SHLD2: variants seen among roughly 807,000 people sequenced by gnomAD.
SHLD2 encodes shieldin complex subunit 2.
A neutral mutation model predicts 73.2 loss-of-function variants in SHLD2; 30 were observed. The observed-to-expected ratio is 0.41, with a 90% CI of 0.31 to 0.56. The LOEUF is 0.56. Among genes scored for constraint, SHLD2 ranks in the 20% least tolerant of loss-of-function variants. The pLI, the probability that SHLD2 is intolerant of heterozygous loss-of-function variation, is 0.28. For missense variants in SHLD2, 745 were observed against 1,055.9 expected (o/e 0.71, Z 4.08); for synonymous variants, 285 against 370.1 (o/e 0.77, Z 2.64).
At chr10:87,187,342 T>C (rs1354428177) in intron 9 of SHLD2, 142 bp downstream of exon 9, 1 of 627,930 alleles carries the variant, frequency 1.6e-6, no homozygotes, top group African/African-American at 1.8e-5. Context: ...AAGTGAAATA[T>C]AAGCCTATGT....
chr10:87,173,335 A>G (rs1847735579), intron 6 of SHLD2, among the ~76,000 whole-genome samples: 1 of 152,178 alleles, frequency 6.6e-6, no homozygotes, highest in African/African-American at 2.4e-5. Context: ...CCCGGCCAGC[A>G]TAATGAACTT....
At chr10:87,107,427 AG>A (rs1315287281) in intron 2 of SHLD2, among the ~76,000 whole-genome samples, 2 of 152,290 alleles carry the variant, frequency 1.3e-5, no homozygotes, top group African/African-American at 4.8e-5. Context: ...AAAAAAGAAA[AG>A]AAAAAAGAAA....
At chr10:87,110,380 C>CG (rs1842844474) in intron 2 of SHLD2, among the ~76,000 whole-genome samples, 1 of 152,022 alleles carries the variant, frequency 6.6e-6, no homozygotes, top group Non-Finnish European at 1.5e-5. Context: ...GAGGCCGAGG[C>CG]GGGCGGATCA....
At chr10:87,158,628 T>C (rs1454911964) in intron 4 of SHLD2, among the ~76,000 whole-genome samples, 2 of 152,148 alleles carry the variant, frequency 1.3e-5, no homozygotes, top group African/African-American at 2.4e-5. Flanking sequence ...ATCCTTATTC[T>C]CCTGTCTACC....
intron 2 of SHLD2, among the ~76,000 whole-genome samples, chr10:87,124,149 A>T (rs922779753): frequency 2.6e-5 from 4 of 152,172 alleles, no homozygotes; most frequent in Non-Finnish European, 5.9e-5. Context: ...AAGTGACAGG[A>T]GTAGATATAA....
In SHLD2 at chr10:87,191,060, C is replaced by T. The variant is rs1200118372; in HGVS notation, c.*377C>T. 3 of 236,006 alleles carry T rather than the reference C, an allele frequency of 1.3e-5. No individual in the cohort carries two copies. Among genetic ancestry groups the T allele is most frequent in the Non-Finnish European group, 2.5e-5 (3 of 121,208 alleles). 14.6% of individuals were successfully genotyped at this position (236,006 alleles called of 1,614,324 possible). A position where few individuals can be genotyped will look rare whatever the true frequency, so the allele number is the denominator to read the frequency against. On this transcript the variant is annotated 3_prime_UTR_variant, in exon 10 of 10. Coordinates refer to ENST00000298786, the MANE Select transcript of SHLD2 (RefSeq NM_001330112.2). Reference sequence around the variant, plus strand: ...CCCTCAGAAACTGCTGCAGTGCTTTCGCTTATCCCTACCTAAAAAACCGTC... The same window carrying T: ...CCCTCAGAAACTGCTGCAGTGCTTTTGCTTATCCCTACCTAAAAAACCGTC...
At chr10:87,174,848 G>A (rs191147631) in intron 6 of SHLD2, among the ~76,000 whole-genome samples, 7 of 152,302 alleles carry the variant, frequency 4.6e-5, no homozygotes, top group Admixed American at 3.3e-4. Flanking sequence ...CGGCGTGGTG[G>A]CTCCCGCCTG....
At chr10:87,120,254 A>ATT (rs764204596) in intron 2 of SHLD2, among the ~76,000 whole-genome samples, 1 of 149,510 alleles carries the variant, frequency 6.7e-6, no homozygotes, top group African/African-American at 2.5e-5. Context: ...TTATTTATTT[A>ATT]TTTATTTTTT....
rs1197444445 is a variant in SHLD2, at chr10:87,138,878, A to C, written c.-5-12472A>C. Among the ~76,000 whole-genome samples, 3 of 152,184 alleles carry C rather than the reference A, an allele frequency of 2.0e-5. No homozygotes were observed. The East Asian group carries it at 5.8e-4, about 29-fold the overall frequency. On this transcript the variant is annotated intron_variant, in intron 2 of 9. Coordinates refer to ENST00000298786, the MANE Select transcript of SHLD2 (RefSeq NM_001330112.2). ...GGGAAATAACTGATATGAACCCTAC[A>C]GGGGTTCCTATAGGCAGTTTCCAGA... is the stretch of plus-strand genomic sequence containing the variant.
chr10:87,167,556 G>A (rs1227805815), intron 4 of SHLD2, among the ~76,000 whole-genome samples: 1 of 151,972 alleles, frequency 6.6e-6, no homozygotes, highest in Non-Finnish European at 1.5e-5. Context: ...TTGTGTTTTT[G>A]GAAAGGACTT....
In SHLD2 at chr10:87,190,944, G is replaced by A. The variant is rs1000786011; in HGVS notation, c.*261G>A. On this transcript the variant is annotated 3_prime_UTR_variant, in exon 10 of 10. Coordinates refer to ENST00000298786, the MANE Select transcript of SHLD2 (RefSeq NM_001330112.2). ...AAGGCAATATGTAGCAGATCCCTGGGAATTAAAGGTTTGCCCATTTGTTCA... is the reference window on the plus strand; with the variant it reads ...AAGGCAATATGTAGCAGATCCCTGGAAATTAAAGGTTTGCCCATTTGTTCA... 20 of 491,652 alleles carry A rather than the reference G, an allele frequency of 4.1e-5. No homozygotes were observed. Among genetic ancestry groups the A allele is most frequent in the African/African-American group, 3.7e-4 (19 of 51,424 alleles). 30.5% of individuals were successfully genotyped at this position (491,652 alleles called of 1,614,324 possible).
intron 4 of SHLD2, among the ~76,000 whole-genome samples, chr10:87,159,788 G>C (rs1846678700): frequency 6.6e-6 from 1 of 152,156 alleles, no homozygotes; most frequent in Non-Finnish European, 1.5e-5. Flanking sequence ...AGCCTTTATT[G>C]GGAAAGACTG....
At chr10:87,168,436 A>G (rs527630634) in intron 4 of SHLD2, among the ~76,000 whole-genome samples, 4 of 151,916 alleles carry the variant, frequency 2.6e-5, no homozygotes, top group Non-Finnish European at 5.9e-5. Flanking sequence ...GTCTCTACAA[A>G]AAATACAAAA....
At chr10:87,142,532 C>T (rs1845267948) in intron 2 of SHLD2, among the ~76,000 whole-genome samples, 1 of 152,106 alleles carries the variant, frequency 6.6e-6, no homozygotes, top group Non-Finnish European at 1.5e-5. Flanking sequence ...GTGATTTGAG[C>T]CAGGCAGTAG....
intron 2 of SHLD2, among the ~76,000 whole-genome samples, chr10:87,127,184 C>T (rs1230339318): frequency 2.0e-5 from 3 of 151,664 alleles, no homozygotes; most frequent in African/African-American, 4.8e-5. Context: ...TTTGAGGAAA[C>T]GTTTCACAAG....
chr10:87,190,220 G>A (rs564253198), intron 9 of SHLD2, among the ~76,000 whole-genome samples: 15 of 152,204 alleles, frequency 9.9e-5, no homozygotes, highest in Admixed American at 6.5e-4. Context: ...CACCACTCCC[G>A]GCTAATTTTT....
intron 2 of SHLD2, among the ~76,000 whole-genome samples, chr10:87,115,746 AAATTTCGTC>A (rs1843214884): frequency 6.6e-6 from 1 of 152,208 alleles, no homozygotes; most frequent in Non-Finnish European, 1.5e-5. Context: ...CTAGTGATAA[AAATTTCGTC>A]AACATCAATG....
upstream of SHLD2, chr10:87,094,769 T>G (rs1841685725): frequency 2.0e-6 from 3 of 1,535,596 alleles, no homozygotes; most frequent in Admixed American, 1.8e-5. This position sits in a 1 kb window ranked among gnomAD's most constrained non-coding sequence, Gnocchi z 6.6. Flanking sequence ...TAGCGGTACA[T>G]GGCCACAAGC....
chr10:87,188,292 C>T (rs1284597269), intron 9 of SHLD2, among the ~76,000 whole-genome samples: 1 of 152,120 alleles, frequency 6.6e-6, no homozygotes, highest in Non-Finnish European at 1.5e-5. Context: ...CAGTAGGGGA[C>T]CACTAATGGT....
Sources: allele counts gnomAD v4.1 joint callset (sites outside exome capture counted in the v4.1 genomes callset), GRCh38; gene constraint gnomAD v4.1.1; non-coding constraint Gnocchi (gnomAD v3.1); transcripts MANE v1.5; gene names NCBI Gene and HGNC (gene_info 2026-07-23, HGNC 2026-07-21).